Variants in TENM2 observed in about 807,000 individuals in gnomAD.
TENM2 encodes teneurin transmembrane protein 2, also known as teneurin-2.
A neutral mutation model predicts 245.2 loss-of-function variants in TENM2; 52 were observed. That is an observed-to-expected ratio of 0.21 (90% CI 0.17 to 0.27). The LOEUF (loss-of-function observed/expected upper bound fraction) is 0.27. Among genes scored for constraint, TENM2 ranks in the 10% least tolerant of loss-of-function variants. The pLI, the probability that TENM2 is intolerant of heterozygous loss-of-function variation, is 1.00. For synonymous variants in TENM2, 1,363 were observed against 1,438.9 expected, an observed-to-expected ratio of 0.95 and a Z score of 1.19; for missense variants, 3,046 against 3,666.8, an observed-to-expected ratio of 0.83 and a Z score of 4.37.
rs1764376107 is a variant in TENM2, at chr5:168,227,883, A to G, written c.5285-12A>G. On this transcript the variant is annotated splice_polypyrimidine_tract_variant and intron_variant, in intron 24 of 28. Transcript: ENST00000518659. ...TATTTCCCTATCCCCACCCCCACTT[A>G]CATTTTTCCAGATCAAGTTCGGAAC... The G allele has an allele frequency of 6.4e-7, 1 of 1,561,706 alleles. No homozygotes were observed. The highest frequency in any genetic ancestry group is 8.8e-7 in the Non-Finnish European group (1 of 1,140,052).
At chr5:167,873,080 T>G (rs980606898) in intron 2 of TENM2, among the ~76,000 whole-genome samples, 21 of 152,270 alleles carry the variant, frequency 1.4e-4, no homozygotes, top group African/African-American at 5.1e-4. Flanking sequence ...AGAGCCTCGC[T>G]GCTAAGTGGA....
chr5:167,913,283 G>A (rs929083597), intron 3 of TENM2, among the ~76,000 whole-genome samples: 1 of 152,126 alleles, frequency 6.6e-6, no homozygotes, highest in African/African-American at 2.4e-5. Flanking sequence ...TGTTGACTTT[G>A]TGCCAAAGAT....
intron 4 of TENM2, among the ~76,000 whole-genome samples, chr5:167,989,223 T>C (rs1180104604): frequency 2.0e-5 from 3 of 151,046 alleles, no homozygotes; most frequent in East Asian, 3.9e-4. Flanking sequence ...AGAAATAAGA[T>C]TCTATTTATA....
chr5:168,003,669 A>G (rs889459722), intron 5 of TENM2, among the ~76,000 whole-genome samples: 1 of 152,198 alleles, frequency 6.6e-6, no homozygotes, highest in African/African-American at 2.4e-5. Flanking sequence ...AATTGCTTGG[A>G]GGTGCTGTTT....
At chr5:167,902,913 C>T (rs1026885888) in intron 3 of TENM2, among the ~76,000 whole-genome samples, 1 of 152,190 alleles carries the variant, frequency 6.6e-6, no homozygotes, top group Non-Finnish European at 1.5e-5. Flanking sequence ...ACAGCTTTGA[C>T]AGCCTAAGGA....
At chr5:167,736,184 TG>T (rs1462062945) in intron 2 of TENM2, among the ~76,000 whole-genome samples, 2 of 151,772 alleles carry the variant, frequency 1.3e-5, no homozygotes, top group Admixed American at 6.6e-5. Context: ...GAGTGAGGGG[TG>T]GGGAGAAAGC....
chr5:167,649,287 A>G (rs1393679196), intron 2 of TENM2, among the ~76,000 whole-genome samples: 2 of 152,134 alleles, frequency 1.3e-5, no homozygotes, highest in Non-Finnish European at 2.9e-5. Flanking sequence ...TTGCTGGTGC[A>G]AGTTAACATC....
chr5:167,927,886 G>A (rs1369921614), intron 3 of TENM2, among the ~76,000 whole-genome samples: 1 of 152,146 alleles, frequency 6.6e-6, no homozygotes, highest in African/African-American at 2.4e-5. Context: ...TAGCCTGGTG[G>A]AGCCTGCTAT....
intron 2 of TENM2, among the ~76,000 whole-genome samples, chr5:167,756,052 T>G (rs1762290951): frequency 6.6e-6 from 1 of 152,152 alleles, no homozygotes. Context: ...CTCCATTTTT[T>G]AAACAAGGAA....
chr5:167,499,084 C>T lies in TENM2; in HGVS notation c.502+123611C>T, dbSNP rs532984223. Among the ~76,000 whole-genome samples, 23 of 152,278 alleles carry T rather than the reference C, an allele frequency of 1.5e-4. No individual in the cohort carries two copies. In the South Asian group the frequency reaches 4.6e-3, roughly 30 times the overall value. ...CTCTCTTCCTTCCCTCAGTTGAGCT[C>T]ATCCCCTTTCACACCTAGCTTCATC... On this transcript the variant is annotated intron_variant, in intron 2 of 28. Transcript: ENST00000518659.
intron 2 of TENM2, among the ~76,000 whole-genome samples, chr5:167,507,775 A>G (rs1769654039): frequency 6.6e-6 from 1 of 152,220 alleles, no homozygotes; most frequent in African/African-American, 2.4e-5. Flanking sequence ...CCAATAAATA[A>G]CAATTACCAT....
chr5:167,949,085 T>TA (rs1231657693), intron 3 of TENM2, among the ~76,000 whole-genome samples: 2 of 152,328 alleles, frequency 1.3e-5, no homozygotes, highest in East Asian at 3.9e-4. Context: ...AGAGGTACGT[T>TA]ACTGATACTG....
intron 1 of TENM2, among the ~76,000 whole-genome samples, chr5:167,353,512 T>TG (rs1253221729): frequency 2.5e-5 from 3 of 122,296 alleles, no homozygotes; most frequent in African/African-American, 3.0e-5. Flanking sequence ...TTTTTTTTTT[T>TG]TTTTTTTTTT....
At chr5:168,050,055 G>A (rs1788942755) in intron 6 of TENM2, among the ~76,000 whole-genome samples, 1 of 152,026 alleles carries the variant, frequency 6.6e-6, no homozygotes, top group Non-Finnish European at 1.5e-5. Flanking sequence ...CTCCCATCTC[G>A]GCCCCCCAAA....
chr5:167,470,599 A>G (rs988497976), intron 2 of TENM2, among the ~76,000 whole-genome samples: 4 of 151,754 alleles, frequency 2.6e-5, no homozygotes, highest in Non-Finnish European at 4.4e-5. Flanking sequence ...AAGCATTATA[A>G]TAATATTTTC....
At chr5:167,652,548 A>C (rs192609413) in intron 2 of TENM2, among the ~76,000 whole-genome samples, 135 of 151,884 alleles carry the variant, frequency 8.9e-4, no homozygotes, top group Non-Finnish European at 1.7e-3. Flanking sequence ...ATATCTGGTC[A>C]GTATGTCAAA....
intron 2 of TENM2, among the ~76,000 whole-genome samples, chr5:167,774,709 G>C (rs13357822): frequency 0.11 from 16,982 of 152,148 alleles, 1,655 homozygotes; most frequent in African/African-American, 0.26. Flanking sequence ...GGTCAAGAGG[G>C]GATGACAAAA....
intron 1 of TENM2, among the ~76,000 whole-genome samples, chr5:167,315,698 C>T (rs572444354): frequency 3.9e-5 from 6 of 152,108 alleles, no homozygotes; most frequent in African/African-American, 1.4e-4. Flanking sequence ...AGAATCCCTC[C>T]TATTCCTAAA....
chr5:167,368,217 A>C (rs1307993250), intron 1 of TENM2, among the ~76,000 whole-genome samples: 1 of 152,194 alleles, frequency 6.6e-6, no homozygotes, highest in Non-Finnish European at 1.5e-5. Flanking sequence ...AATTTCATTT[A>C]CTATTAGAAC....
Sources: allele counts gnomAD v4.1 joint callset (sites outside exome capture counted in the v4.1 genomes callset), GRCh38; gene constraint gnomAD v4.1.1; transcripts MANE v1.5; gene names NCBI Gene and HGNC (gene_info 2026-07-23, HGNC 2026-07-21).